Variants in CFAP263 observed in about 807,000 individuals in gnomAD.
CFAP263 encodes cilia and flagella associated protein 263, also known as cilia- and flagella-associated protein 263.
chr16:58,259,981 T>C, the CFAP263 span: 58 of 1,308,058 alleles, frequency 4.4e-5, no homozygotes, highest in Non-Finnish European at 6.2e-5. Context: ...TTAAGGTTAC[T>C]GTGGTAGGCT....
chr16:58,256,010 G>A, the CFAP263 span, among the ~76,000 whole-genome samples: 1 of 152,198 alleles, frequency 6.6e-6, no homozygotes, highest in South Asian at 2.1e-4. Context: ...ACAGGATGAC[G>A]TTGTTGGCTT....
At chr16:58,269,655 C>T in the CFAP263 span, among the ~76,000 whole-genome samples, 1 of 152,132 alleles carries the variant, frequency 6.6e-6, no homozygotes, top group East Asian at 1.9e-4. Context: ...TATCATGTAT[C>T]ATTTGTTTAT....
chr16:58,278,539 C>T, the CFAP263 span: 5 of 1,614,140 alleles, frequency 3.1e-6, no homozygotes, highest in Non-Finnish European at 4.2e-6. Context: ...GGCCGAGTTC[C>T]GGGCACCACA....
the CFAP263 span, among the ~76,000 whole-genome samples, chr16:58,250,764 C>CAAAA: frequency 5.3e-3 from 541 of 101,826 alleles, 3 homozygotes; most frequent in East Asian, 0.045. Flanking sequence ...GACTAAGTCT[C>CAAAA]AAAAAAAAAA....
chr16:58,267,425 T>C, the CFAP263 span: 1 of 1,191,486 alleles, frequency 8.4e-7, no homozygotes, highest in Non-Finnish European at 1.2e-6. Flanking sequence ...CTCCCCTTCC[T>C]GCGGTTCTGA....
the CFAP263 span, chr16:58,267,344 G>A: frequency 3.3e-3 from 2,183 of 652,736 alleles, 22 homozygotes; most frequent in South Asian, 0.013. Flanking sequence ...TGGAAAATCT[G>A]GGCAACCATG....
chr16:58,266,751 A>G, the CFAP263 span, among the ~76,000 whole-genome samples: 4 of 152,118 alleles, frequency 2.6e-5, no homozygotes, highest in East Asian at 7.7e-4. Flanking sequence ...AGTGGTCAAA[A>G]GGGGGCCAAT....
the CFAP263 span, among the ~76,000 whole-genome samples, chr16:58,272,384 C>T: frequency 6.6e-6 from 1 of 152,096 alleles, no homozygotes; most frequent in Non-Finnish European, 1.5e-5. Context: ...GGGATACATT[C>T]TGAGAAATGC....
the CFAP263 span, chr16:58,254,128 C>A: frequency 6.2e-7 from 1 of 1,614,182 alleles, no homozygotes; most frequent in South Asian, 1.1e-5. Context: ...CACACAAGGG[C>A]AAATGCGGAA....
chr16:58,262,698 C>T, the CFAP263 span, among the ~76,000 whole-genome samples: 73 of 152,002 alleles, frequency 4.8e-4, no homozygotes, highest in African/African-American at 1.7e-3. Context: ...CTCCCACAAC[C>T]CTGGCTGTGC....
the CFAP263 span, among the ~76,000 whole-genome samples, chr16:58,258,208 T>C: frequency 6.6e-6 from 1 of 152,124 alleles, no homozygotes; most frequent in Admixed American, 6.5e-5. Flanking sequence ...ACTAATAACA[T>C]TGATATAGTC....
At chr16:58,251,428 G>A in the CFAP263 span, among the ~76,000 whole-genome samples, 39 of 152,316 alleles carry the variant, frequency 2.6e-4, no homozygotes, top group African/African-American at 9.4e-4. Context: ...CACTCGCTCT[G>A]TCGCCCAGGC....
At chr16:58,283,491 G>T in the CFAP263 span, 3 of 152,266 alleles carry the variant, frequency 2.0e-5, no homozygotes, top group East Asian at 5.8e-4. Flanking sequence ...AAATTAGGGT[G>T]TGTCTTTTAA....
chr16:58,273,399 C>T, the CFAP263 span, among the ~76,000 whole-genome samples: 17 of 152,244 alleles, frequency 1.1e-4, no homozygotes, highest in Middle Eastern at 3.4e-3. Flanking sequence ...GCCCCTCAAT[C>T]TACATAATCT....
chr16:58,254,196 G>T, the CFAP263 span: 1 of 1,610,316 alleles, frequency 6.2e-7, no homozygotes, highest in Non-Finnish European at 8.5e-7. Context: ...TCCTGCCCAG[G>T]CTCCCCACCT....
the CFAP263 span, chr16:58,278,634 A>C: frequency 6.2e-7 from 1 of 1,614,076 alleles, no homozygotes; most frequent in Non-Finnish European, 8.5e-7. Context: ...TGGAGATAGC[A>C]GAGGTGAGCC....
chr16:58,264,082 T>C, the CFAP263 span, among the ~76,000 whole-genome samples: 2 of 152,224 alleles, frequency 1.3e-5, no homozygotes, highest in African/African-American at 4.8e-5. Flanking sequence ...TAGAAAACAA[T>C]GTGCTGGCAT....
the CFAP263 span, among the ~76,000 whole-genome samples, chr16:58,264,548 C>T: frequency 2.0e-5 from 3 of 152,086 alleles, no homozygotes; most frequent in Admixed American, 6.5e-5. Context: ...GGCTCTGCTG[C>T]GGGAGGTGCT....
At chr16:58,282,233 C>T in the CFAP263 span, 1 of 152,016 alleles carries the variant, frequency 6.6e-6, no homozygotes, top group Non-Finnish European at 1.5e-5. Context: ...TCTCGAACTC[C>T]TGACCTCATG....
Sources: allele counts gnomAD v4.1 joint callset (sites outside exome capture counted in the v4.1 genomes callset), GRCh38; gene constraint gnomAD v4.1.1; transcripts MANE v1.5; gene names NCBI Gene and HGNC (gene_info 2026-07-23, HGNC 2026-07-21).